Variants in MTREX observed in about 807,000 individuals in gnomAD.
MTREX encodes exosome RNA helicase MTR4.
Under a neutral mutation model 135.4 loss-of-function variants are expected in MTREX, and 76 were observed. The observed-to-expected ratio is 0.56, with a 90% CI of 0.47 to 0.68. The LOEUF (loss-of-function observed/expected upper bound fraction) is 0.68, where lower values mean the gene tolerates loss of function less well. MTREX is among the 30% of genes least tolerant of loss of function. MTREX has a pLI of 0.00. For missense variants in MTREX, 920 were observed against 1,262.1 expected (o/e 0.73, Z 4.11); for synonymous variants, 404 against 401.6 (o/e 1.01, Z -0.07).
rs1749620820 is a variant in MTREX, at chr5:55,340,147, T to C, written c.653T>C (p.Ile218Thr). The C allele has an allele frequency of 6.2e-7, 1 of 1,601,466 alleles. No homozygotes were observed. The highest frequency in any genetic ancestry group is 1.3e-5 in the African/African-American group (1 of 74,184). The change falls in exon 6 of 27, where the codon ATT becomes ACT. Residue 218 changes from isoleucine to threonine, a missense_variant. Around this residue, in one of 6 missense-constraint regions of MTREX, gnomAD observed 88 missense variants for 202.5 expected, o/e 0.43. Transcript: ENST00000230640. Reference sequence around the variant, plus strand: ...GGTTTGATGACTGGTGATGTTACTATTAATCCTACGGCATCTTGTCTTGTT... The same window carrying C: ...GGTTTGATGACTGGTGATGTTACTACTAATCCTACGGCATCTTGTCTTGTT... The part of the protein sequence containing the change: ...DVGLMTGDVT[I>T]NPTASCLVMT...
At chr5:55,322,186 G>A (rs1749299963) in intron 1 of MTREX, 141 bp from the exon 2 acceptor site, 2 of 568,606 alleles carry the variant, frequency 3.5e-6, no homozygotes, top group East Asian at 6.2e-5. Context: ...AGGTATTCCG[G>A]GCTTCAGCCA....
In MTREX at chr5:55,425,109, G is replaced by A; in HGVS notation, c.*337G>A. 6.9e-7 allele frequency: 1 copy of A among 1,459,236 alleles called. No homozygotes were observed. 90.4% of individuals were successfully genotyped at this position (1,459,236 alleles called of 1,614,324 possible). On this transcript the variant is annotated 3_prime_UTR_variant, in exon 27 of 27. Coordinates refer to ENST00000230640, the MANE Select transcript of MTREX (RefSeq NM_015360.5). ...CATAGCAGCAGCAGAAGTCTTTAAA[G>A]GCTTGTACACCAGGAAGAAAGATGC...
At chr5:55,390,033 T>A (rs1170920333) in intron 19 of MTREX, among the ~76,000 whole-genome samples, 2 of 152,196 alleles carry the variant, frequency 1.3e-5, no homozygotes, top group Non-Finnish European at 2.9e-5. Context: ...ATAATCATCC[T>A]TGCCCTGTCT....
At chr5:55,340,228 A>G in intron 6 of MTREX, 44 bp downstream of exon 6, 1 of 1,411,544 alleles carries the variant, frequency 7.1e-7, no homozygotes, top group Non-Finnish European at 9.4e-7. Context: ...TTTTAATTAA[A>G]TTAATGTGAC....
intron 13 of MTREX, among the ~76,000 whole-genome samples, chr5:55,352,341 T>G (rs949966535): frequency 6.6e-6 from 1 of 151,762 alleles, no homozygotes; most frequent in Non-Finnish European, 1.5e-5. Flanking sequence ...TAGATCCTGG[T>G]ATGTCCCTTC....
At chr5:55,368,944 A>G (rs1374464444) in intron 16 of MTREX, among the ~76,000 whole-genome samples, 2 of 152,152 alleles carry the variant, frequency 1.3e-5, no homozygotes, top group Non-Finnish European at 2.9e-5. Context: ...ATAATTTCAA[A>G]TCATATTACA....
chr5:55,317,985 A>G (rs1749225624), intron 1 of MTREX, among the ~76,000 whole-genome samples: 1 of 152,238 alleles, frequency 6.6e-6, no homozygotes. Flanking sequence ...TTCTCAAAAG[A>G]AGACATACAT....
At chr5:55,328,246 A>G (rs566334030) in intron 4 of MTREX, among the ~76,000 whole-genome samples, 90 of 152,276 alleles carry the variant, frequency 5.9e-4, no homozygotes, top group African/African-American at 2.1e-3. Context: ...ATGAACTCTT[A>G]AAGTCTAATA....
chr5:55,318,287 A>G (rs899648791), intron 1 of MTREX, among the ~76,000 whole-genome samples: 4 of 152,238 alleles, frequency 2.6e-5, no homozygotes, highest in Non-Finnish European at 5.9e-5. Flanking sequence ...CCACAGGAAT[A>G]TAAAGCATTC....
At chr5:55,326,264 G>A (rs944792351) in intron 3 of MTREX, among the ~76,000 whole-genome samples, 1 of 152,116 alleles carries the variant, frequency 6.6e-6, no homozygotes, top group East Asian at 1.9e-4. Flanking sequence ...ACCAGGCATG[G>A]TGGCATGTGC....
intron 18 of MTREX, among the ~76,000 whole-genome samples, chr5:55,384,723 T>G (rs1750450800): frequency 6.6e-6 from 1 of 152,330 alleles, no homozygotes; most frequent in South Asian, 2.1e-4. Flanking sequence ...CCTGTCTACC[T>G]CTTACCCCCT....
chr5:55,342,125 G>A (rs2112058244), intron 7 of MTREX, among the ~76,000 whole-genome samples: 2 of 152,220 alleles, frequency 1.3e-5, no homozygotes, highest in South Asian at 4.1e-4. Context: ...GAGCAGGCAG[G>A]TCTTGAACTC....
intron 1 of MTREX, among the ~76,000 whole-genome samples, chr5:55,317,440 A>G (rs2112024831): frequency 6.6e-6 from 1 of 152,312 alleles, no homozygotes; most frequent in South Asian, 2.1e-4. Flanking sequence ...GGCACATTGA[A>G]CAATGGAACA....
intron 1 of MTREX, among the ~76,000 whole-genome samples, chr5:55,309,701 A>T (rs867331458): frequency 6.6e-6 from 1 of 152,166 alleles, no homozygotes. Flanking sequence ...GGGTAGTTTT[A>T]ATAGGGTTTT....
chr5:55,399,527 G>A (rs1323100629), intron 20 of MTREX, among the ~76,000 whole-genome samples: 9 of 151,746 alleles, frequency 5.9e-5, no homozygotes, highest in Admixed American at 5.3e-4. Context: ...TTGCTCTGTC[G>A]CTCAAGCCAG....
chr5:55,338,024 A>G (rs1004770318), intron 5 of MTREX, among the ~76,000 whole-genome samples: 2 of 152,122 alleles, frequency 1.3e-5, no homozygotes, highest in African/African-American at 4.8e-5. Context: ...TAATACTGTC[A>G]TATATTTCAA....
intron 3 of MTREX, among the ~76,000 whole-genome samples, chr5:55,326,239 A>C (rs1395540738): frequency 6.6e-6 from 1 of 152,132 alleles, no homozygotes; most frequent in Non-Finnish European, 1.5e-5. Context: ...TCTACTAAAA[A>C]TACAAAAAAA....
intron 16 of MTREX, among the ~76,000 whole-genome samples, chr5:55,370,062 T>TA (rs1229504170): frequency 6.6e-6 from 1 of 152,146 alleles, no homozygotes; most frequent in East Asian, 1.9e-4. Flanking sequence ...TAGCTGGGAT[T>TA]ACAGGCATGC....
rs1343682245 is a variant in MTREX, at chr5:55,387,375, G to A, written c.2053-599G>A. On this transcript the variant is annotated intron_variant, in intron 18 of 26. Transcript: ENST00000230640. ...GTCTTTGCTGTATAACTTTCCTTTT[G>A]TATATTTTATGCAAAACAGATTATT... Among the ~76,000 whole-genome samples the A allele has an allele frequency of 8.6e-5, 13 of 151,890 alleles. 1 individual carries two copies. Among genetic ancestry groups the A allele is most frequent in the Admixed American group, 8.5e-4 (13 of 15,268 alleles).
Sources: gnomAD v4.1 joint callset for allele counts (sites outside exome capture counted in the v4.1 genomes callset) on GRCh38, gnomAD v4.1.1 for gene constraint, gnomAD v4.1.1 regional missense constraint, MANE v1.5 for transcripts, NCBI Gene and HGNC (gene_info 2026-07-23, HGNC 2026-07-21) for gene names.